Variants in PCNX1 observed in about 807,000 individuals in gnomAD.
PCNX1 encodes pecanex 1.
In PCNX1, 78 loss-of-function variants were observed where a neutral mutation model predicts 242.2. The observed-to-expected ratio is 0.32, with a 90% confidence interval of 0.27 to 0.39. The LOEUF is 0.39. PCNX1 is among the 10% of genes least tolerant of loss of function. PCNX1 has a pLI of 1.00. For synonymous variants in PCNX1, 1,024 were observed against 1,032.9 expected (o/e 0.99, Z 0.17); for missense variants, 2,581 against 2,856.5 (o/e 0.90, Z 2.20).
intron 26 of PCNX1, among the ~76,000 whole-genome samples, chr14:71,059,494 T>C (rs1260733584): frequency 6.6e-6 from 1 of 151,938 alleles, no homozygotes; most frequent in Non-Finnish European, 1.5e-5. Flanking sequence ...AGGGATCCTC[T>C]TGCCTCAGCC....
intron 26 of PCNX1, among the ~76,000 whole-genome samples, chr14:71,068,586 A>ACGTG (rs1024119734): frequency 1.5e-4 from 15 of 97,518 alleles, no homozygotes; most frequent in South Asian, 8.0e-4. Context: ...GTTTGTATGT[A>ACGTG]CGTGCGTGTG....
intron 1 of PCNX1, among the ~76,000 whole-genome samples, chr14:70,941,133 C>T (rs753418855): frequency 7.9e-5 from 12 of 152,194 alleles, no homozygotes; most frequent in Middle Eastern, 3.2e-3. Context: ...TCTGTCAACT[C>T]GTCAAACTCA....
In PCNX1 at chr14:71,031,027, A is replaced by G. The variant is rs75249956; in HGVS notation, c.3558+2236A>G. ...GGTTGTTAATTTAAACTTTCTGCAAACATCACTGAAAACTTCACCAAGTAT... is the reference window on the plus strand; with the variant it reads ...GGTTGTTAATTTAAACTTTCTGCAAGCATCACTGAAAACTTCACCAAGTAT... On this transcript the variant is annotated intron_variant, in intron 16 of 35. Coordinates refer to ENST00000304743, the MANE Select transcript of PCNX1 (RefSeq NM_014982.3). Among the ~76,000 whole-genome samples the G allele has an allele frequency of 8.6e-3, 1,314 of 152,314 alleles. 9 individuals are homozygous for G. The highest frequency in any genetic ancestry group is 0.012 in the Non-Finnish European group (842 of 68,026).
intron 15 of PCNX1, among the ~76,000 whole-genome samples, chr14:71,027,946 T>C (rs2060281420): frequency 6.6e-6 from 1 of 151,886 alleles, no homozygotes; most frequent in African/African-American, 2.4e-5. Flanking sequence ...TACTATAATT[T>C]ACAAACTTAT....
Position 71,050,646 on chromosome 14 carries a change from C to T in PCNX1, c.4339-6C>T. 3 of 1,562,870 alleles carry T rather than the reference C, an allele frequency of 1.9e-6. No homozygotes were observed. The highest frequency in any genetic ancestry group is 2.6e-6 in the Non-Finnish European group (3 of 1,156,736). ...TTTACTGACAGCCATTCTTTTCCTC[C>T]TGCAGCTTTGGGAACTACTTTATAA... is the stretch of plus-strand genomic sequence containing the variant. On this transcript the variant is annotated splice_region_variant and splice_polypyrimidine_tract_variant and intron_variant, in intron 22 of 35. Transcript: ENST00000304743.
At position 71,105,303 on chromosome 14, in the gene PCNX1, G is replaced by C; in HGVS notation, c.6164G>C (p.Gly2055Ala). The change falls in exon 33 of 36, where the codon GGG becomes GCG. Residue 2055 changes from glycine (G) to alanine (A), a missense_variant. Physicochemically the swap from Gly to Ala is moderately conservative, Grantham distance 60. Transcript: ENST00000304743. ...ATTGAAGATTCTGATACTGGAGGTG[G>C]GACTTCCTGCACTGGTAACAATGCA... ...GNIEDSDTGG[G>A]TSCTGNNATT... The C allele has an allele frequency of 6.2e-7, 1 of 1,613,978 alleles. No individual in the cohort carries two copies. Among genetic ancestry groups the C allele is most frequent in the Non-Finnish European group, 8.5e-7 (1 of 1,179,908 alleles).
chr14:71,105,431 C>G lies in PCNX1; in HGVS notation c.6292C>G (p.Pro2098Ala), dbSNP rs1263143994. 1 of 1,612,704 alleles carries G rather than the reference C, an allele frequency of 6.2e-7. No homozygotes were observed. Among genetic ancestry groups the G allele is most frequent in the Non-Finnish European group, 8.5e-7 (1 of 1,178,750 alleles). The change falls in exon 33 of 36, where the codon CCA becomes GCA. Residue 2098 changes from proline to alanine, a missense_variant. Around this residue, in one of 9 missense-constraint regions of PCNX1, gnomAD observed 432 missense variants for 433.6 expected, o/e 1.00. Transcript: ENST00000304743. ...CCACCCACCTGTCACATCTTATCCTCCAACACTAGGTAATGTGAAACAAAG... is the reference window on the plus strand; with the variant it reads ...CCACCCACCTGTCACATCTTATCCTGCAACACTAGGTAATGTGAAACAAAG... Reference protein sequence around the residue: ...GLHPPVTSYPPTLGTSHSSHS... With the variant: ...GLHPPVTSYPATLGTSHSSHS...
chr14:71,080,852 C>A (rs2061836564), intron 28 of PCNX1, among the ~76,000 whole-genome samples: 1 of 152,142 alleles, frequency 6.6e-6, no homozygotes, highest in Non-Finnish European at 1.5e-5. Flanking sequence ...TATTTAAATA[C>A]CCTTTATTTC....
rs540378815 is a variant in PCNX1, at chr14:71,017,195, A to G, written c.2997-1814A>G. ...CATTCTGAAAGAACTACATGACCTTAATTGTCTTACATCTATTAAATAAGT... is the reference window on the plus strand; with the variant it reads ...CATTCTGAAAGAACTACATGACCTTGATTGTCTTACATCTATTAAATAAGT... On this transcript the variant is annotated intron_variant, in intron 11 of 35. Coordinates refer to ENST00000304743, the MANE Select transcript of PCNX1 (RefSeq NM_014982.3). 1.2e-4 allele frequency among the ~76,000 whole-genome samples: 18 copies of G among 152,348 alleles called. No individual in the cohort carries two copies. In the East Asian group the frequency reaches 2.1e-3, roughly 18 times the overall value.
chr14:70,978,405 G>T lies in PCNX1; in HGVS notation c.2068G>T (p.Val690Leu). ...STNSAKTRAR[V>L]LSLDSGTVAC... ...AAATAGTGCCAAGACTCGTGCCCGAGTGTTGAGCCTGGACAGTGGCACAGT... is the reference window on the plus strand; with the variant it reads ...AAATAGTGCCAAGACTCGTGCCCGATTGTTGAGCCTGGACAGTGGCACAGT... The change falls in exon 6 of 36, where the codon GTG (valine) becomes TTG (leucine). Residue 690 changes from valine to leucine, a missense_variant. Coordinates refer to ENST00000304743, the MANE Select transcript of PCNX1 (RefSeq NM_014982.3). 6.2e-7 allele frequency: 1 copy of T among 1,614,218 alleles called. No individual in the cohort carries two copies. The highest frequency in any genetic ancestry group is 8.5e-7 in the Non-Finnish European group (1 of 1,180,040).
chr14:71,109,458 G>A lies in PCNX1; in HGVS notation c.6751G>A (p.Asp2251Asn). 1 of 1,611,382 alleles carries A rather than the reference G, an allele frequency of 6.2e-7. No individual in the cohort carries two copies. Residue 2251 changes from aspartate (D) to asparagine (N), a missense_variant, in exon 35 of 36, where the codon GAT (aspartate) becomes AAT (asparagine). Asp to Asn is a conservative substitution (Grantham distance 23). Around this residue, in one of 9 missense-constraint regions of PCNX1, gnomAD observed 432 missense variants for 433.6 expected, o/e 1.00. Transcript: ENST00000304743. ...AEVIYRVQIV[D>N]PSQILEGINL... ...GTTTTTATTTACCATGTAGATTGTG[G>A]ATCCCAGTCAAATTCTGGAAGGGAT...
At chr14:70,928,890 T>C (rs999640168) in intron 1 of PCNX1, among the ~76,000 whole-genome samples, 3 of 152,188 alleles carry the variant, frequency 2.0e-5, no homozygotes, top group African/African-American at 7.2e-5. Context: ...TTTAAAACCG[T>C]TACACTTTTG....
intron 30 of PCNX1, 61 bp from the exon 31 acceptor site, chr14:71,101,929 T>C (rs2062473351): frequency 4.5e-6 from 4 of 895,524 alleles, no homozygotes; most frequent in Non-Finnish European, 6.7e-6. Context: ...ACTTAGTAAC[T>C]GTAGAAGTTA....
intron 2 of PCNX1, among the ~76,000 whole-genome samples, chr14:70,950,396 A>G (rs2057729111): frequency 6.6e-6 from 1 of 152,092 alleles, no homozygotes; most frequent in Non-Finnish European, 1.5e-5. Flanking sequence ...ATGCCAATGT[A>G]TTTTATCCTA....
Position 71,105,344 on chromosome 14 carries a change from C to G in PCNX1, c.6205C>G (p.Pro2069Ala). 6.2e-7 allele frequency: 1 copy of G among 1,614,062 alleles called. No homozygotes were observed. Among genetic ancestry groups the G allele is most frequent in the Non-Finnish European group, 8.5e-7 (1 of 1,179,962 alleles). ...TAACAATGCAACAACTGCCAACAAT[C>G]CCCACAGCAACGTGACCCAGGGAAG... ...TGNNATTANN[P>A]HSNVTQGSIG... Residue 2069 changes from proline (P) to alanine (A), a missense_variant, in exon 33 of 36, where the codon CCC becomes GCC. Transcript: ENST00000304743.
chr14:71,031,455 A>G (rs146205506), intron 16 of PCNX1, among the ~76,000 whole-genome samples: 9 of 152,334 alleles, frequency 5.9e-5, no homozygotes, highest in Middle Eastern at 3.4e-3. Context: ...GCCCTGGCAC[A>G]GGACCTTCCT....
chr14:70,967,793 C>T (rs1056013108), intron 3 of PCNX1, among the ~76,000 whole-genome samples: 5 of 152,308 alleles, frequency 3.3e-5, no homozygotes, highest in African/African-American at 1.2e-4. Context: ...GCCAAACCTT[C>T]CTTTTATACC....
intron 28 of PCNX1, chr14:71,078,591 TCTC>T (rs1397752541): frequency 3.3e-5 from 5 of 152,240 alleles, no homozygotes; most frequent in Non-Finnish European, 5.9e-5. Flanking sequence ...GCACACGCCT[TCTC>T]CACCAGTAAC....
At chr14:71,014,072 TC>T (rs1377456803) in intron 11 of PCNX1, among the ~76,000 whole-genome samples, 1 of 152,186 alleles carries the variant, frequency 6.6e-6, no homozygotes, top group Non-Finnish European at 1.5e-5. Flanking sequence ...GAGGAACAGT[TC>T]CTGGCAATCA....
Sources: gnomAD v4.1 joint callset for allele counts (sites outside exome capture counted in the v4.1 genomes callset) on GRCh38, gnomAD v4.1.1 for gene constraint, gnomAD v4.1.1 regional missense constraint, MANE v1.5 for transcripts, NCBI Gene and HGNC (gene_info 2026-07-23, HGNC 2026-07-21) for gene names.